SNX6: variants seen among roughly 807,000 people sequenced by gnomAD.
The protein encoded by SNX6 is sorting nexin-6.
A neutral mutation model predicts 63.0 loss-of-function variants in SNX6; 34 were observed. The observed-to-expected ratio is 0.54, with a 90% CI of 0.41 to 0.72. The LOEUF is 0.72. Among genes scored for constraint, SNX6 ranks in the 30% least tolerant of loss-of-function variants. The pLI is 0.00. For missense variants in SNX6, 398 were observed against 471.4 expected (o/e 0.84, Z 1.44); for synonymous variants, 170 against 164.2 (o/e 1.04, Z -0.27).
At chr14:34,606,444 C>T (rs1883022977) in intron 4 of SNX6, among the ~76,000 whole-genome samples, 1 of 117,234 alleles carries the variant, frequency 8.5e-6, no homozygotes, top group South Asian at 3.0e-4. Context: ...AAAGACACTT[C>T]CAACTCTTCT....
intron 13 of SNX6, among the ~76,000 whole-genome samples, chr14:34,565,939 T>A (rs1236664229): frequency 2.6e-5 from 4 of 152,076 alleles, no homozygotes; most frequent in African/African-American, 9.7e-5. Context: ...TCCACCCGCC[T>A]CGGCCTCCCA....
intron 2 of SNX6, among the ~76,000 whole-genome samples, chr14:34,610,929 G>A (rs1433740304): frequency 6.6e-6 from 1 of 152,084 alleles, no homozygotes. Context: ...TGAACAAAAT[G>A]CTGAATGCAA....
chr14:34,613,041 CAAA>C (rs34313201), intron 2 of SNX6, among the ~76,000 whole-genome samples: 2 of 117,832 alleles, frequency 1.7e-5, no homozygotes, highest in African/African-American at 6.4e-5. Context: ...AGACTCTATC[CAAA>C]AAAAAAAAAA....
chr14:34,583,339 C>T (rs1882018686), intron 9 of SNX6, among the ~76,000 whole-genome samples: 1 of 151,956 alleles, frequency 6.6e-6, no homozygotes, highest in Admixed American at 6.6e-5. Flanking sequence ...TAGTCTGGTG[C>T]TGGGATATTT....
intron 7 of SNX6, among the ~76,000 whole-genome samples, chr14:34,596,785 C>T (rs1285455322): frequency 6.6e-6 from 1 of 151,870 alleles, no homozygotes; most frequent in African/African-American, 2.4e-5. Flanking sequence ...CTAGGTTCCT[C>T]AGCCTCCCGA....
At chr14:34,603,921 T>C (rs1330443238) in intron 5 of SNX6, among the ~76,000 whole-genome samples, 1 of 152,122 alleles carries the variant, frequency 6.6e-6, no homozygotes, top group East Asian at 1.9e-4. Context: ...TTTCATCTAA[T>C]TACCCAAACA....
At chr14:34,627,839 C>A (rs1479282191) in intron 2 of SNX6, among the ~76,000 whole-genome samples, 1 of 152,006 alleles carries the variant, frequency 6.6e-6, no homozygotes, top group Non-Finnish European at 1.5e-5. Context: ...CCAGGCTGAT[C>A]TTGAATTCCT....
Position 34,605,657 on chromosome 14 carries a change from C to A in SNX6, c.331G>T (p.Gly111Cys). 1 of 1,611,070 alleles carries A rather than the reference C, an allele frequency of 6.2e-7. No individual in the cohort carries two copies. The highest frequency in any genetic ancestry group is 1.1e-5 in the South Asian group (1 of 90,490). The change falls in exon 5 of 14, where the codon GGT becomes TGT. Residue 111 changes from glycine to cysteine, a missense_variant. Transcript: ENST00000362031. ...TTCGTCATTGACCCTTCTCCTTCAC[C>A]AAGCTTCTGTAGTTTTTCCCTTGAA... ...DASREKLQKL[G>C]EGEGSMTKEE...
At chr14:34,615,759 C>T (rs997151466) in intron 2 of SNX6, among the ~76,000 whole-genome samples, 2 of 151,992 alleles carry the variant, frequency 1.3e-5, no homozygotes, top group Non-Finnish European at 2.9e-5. Context: ...GGATTACAGG[C>T]GTGAGCCTGT....
chr14:34,621,651 T>C (rs1485507502), intron 2 of SNX6, among the ~76,000 whole-genome samples: 1 of 152,182 alleles, frequency 6.6e-6, no homozygotes, highest in Non-Finnish European at 1.5e-5. Context: ...GAACCAGACT[T>C]ATGACCTAAC....
At chr14:34,624,408 T>C (rs932424232) in intron 2 of SNX6, among the ~76,000 whole-genome samples, 2 of 152,084 alleles carry the variant, frequency 1.3e-5, no homozygotes, top group Non-Finnish European at 2.9e-5. Context: ...GCCAAAACAA[T>C]GTTTTCTTAG....
Position 34,562,659 on chromosome 14 carries a change from C to T in SNX6, c.*463G>A, listed in dbSNP as rs1880979997. 1 of 153,036 alleles carries T rather than the reference C, an allele frequency of 6.5e-6. No individual in the cohort carries two copies. The highest frequency in any genetic ancestry group is 2.1e-4 in the South Asian group (1 of 4,838). 9.5% of individuals were successfully genotyped at this position (153,036 alleles called of 1,614,324 possible). The stretch of plus-strand genomic sequence containing the variant: ...AAATAAGTCTGATTAAGATGCTTTA[C>T]CAGGATACATGAATGAACTAAGGTG... On this transcript the variant is annotated 3_prime_UTR_variant, in exon 14 of 14. Coordinates refer to ENST00000362031, the MANE Select transcript of SNX6 (RefSeq NM_152233.4).
At position 34,584,997 on chromosome 14, in the gene SNX6, C is replaced by T. The variant is rs559064971; in HGVS notation, c.794+1233G>A. ...CCTCCCAAGTAGCTGGGATTACAGA[C>T]ACCTGCCACCACACTTGGCTAATTT... On this transcript the variant is annotated intron_variant, in intron 9 of 13. Coordinates refer to ENST00000362031, the MANE Select transcript of SNX6 (RefSeq NM_152233.4). Among the ~76,000 whole-genome samples the T allele has an allele frequency of 2.0e-5, 3 of 152,048 alleles. No individual in the cohort carries two copies. In the South Asian group the frequency reaches 6.2e-4, roughly 32 times the overall value.
intron 11 of SNX6, among the ~76,000 whole-genome samples, chr14:34,570,270 T>G (rs148539189): frequency 6.6e-6 from 1 of 151,966 alleles, no homozygotes; most frequent in Admixed American, 6.6e-5. Flanking sequence ...GGTTTCTCCA[T>G]GGTCATGCTG....
intron 5 of SNX6, among the ~76,000 whole-genome samples, chr14:34,605,188 A>G (rs1234246432): frequency 1.3e-5 from 2 of 152,128 alleles, no homozygotes; most frequent in East Asian, 3.8e-4. Context: ...CATTGAAAAA[A>G]GAGAACTAGG....
At chr14:34,578,663 A>G (rs1213960102) in intron 10 of SNX6, among the ~76,000 whole-genome samples, 1 of 147,552 alleles carries the variant, frequency 6.8e-6, no homozygotes, top group Non-Finnish European at 1.5e-5. Flanking sequence ...TTAAGGGGCC[A>G]GGTGCGGTGG....
intron 2 of SNX6, chr14:34,629,423 T>C (rs755254931): frequency 2.4e-5 from 11 of 455,938 alleles, no homozygotes; most frequent in Admixed American, 2.4e-4. Flanking sequence ...TCGGCTACTA[T>C]AAAAATCCTT....
intron 2 of SNX6, among the ~76,000 whole-genome samples, chr14:34,614,205 AC>A (rs1200225822): frequency 2.0e-5 from 3 of 151,932 alleles, no homozygotes; most frequent in African/African-American, 7.3e-5. Context: ...GGCGATTGGA[AC>A]ACTTGAGCTC....
Position 34,568,004 on chromosome 14 carries a change from A to G in SNX6, c.931T>C (p.Tyr311His), listed in dbSNP as rs1486290850. ...TCCACTAGTGACCTAGACCTTCGAT[A>G]CAGGAGATCCTATAAAACAGAATGC... ...RESQAAKDLLYRRSRSLVDYE... is the reference protein window; with the variant it reads ...RESQAAKDLLHRRSRSLVDYE... The change falls in exon 12 of 14, where the codon TAT becomes CAT. Residue 311 changes from tyrosine (Y) to histidine (H), a missense_variant. Transcript: ENST00000362031. The G allele has an allele frequency of 3.7e-6, 6 of 1,611,026 alleles. No individual in the cohort carries two copies. Among genetic ancestry groups the G allele is most frequent in the Non-Finnish European group, 5.1e-6 (6 of 1,179,672 alleles).
Sources: gnomAD v4.1 joint callset for allele counts (sites outside exome capture counted in the v4.1 genomes callset) on GRCh38, gnomAD v4.1.1 for gene constraint, MANE v1.5 for transcripts, NCBI Gene and HGNC (gene_info 2026-07-23, HGNC 2026-07-21) for gene names.